JDP2: variants seen among roughly 807,000 people sequenced by gnomAD.
JDP2 encodes the protein progesterone receptor co-activator.
JDP2 carries 9 observed loss-of-function variants against 17.1 expected under a neutral mutation model. That is an observed-to-expected ratio of 0.53 (90% CI 0.32 to 0.92). The LOEUF is 0.92. Ranked by LOEUF, JDP2 falls within the 40% of genes least tolerant of loss-of-function variation. JDP2 has a pLI of 0.04. For missense variants in JDP2, 179 were observed against 220.0 expected (o/e 0.81, Z 1.18); for synonymous variants, 107 against 95.6 (o/e 1.12, Z -0.69).
intron 3 of JDP2, among the ~76,000 whole-genome samples, chr14:75,464,798 G>T (rs1272998948): frequency 2.0e-5 from 3 of 152,240 alleles, no homozygotes; most frequent in Non-Finnish European, 4.4e-5. Flanking sequence ...GGAGGGGTCA[G>T]GTCCACACCC....
chr14:75,440,955 G>A lies in JDP2; in HGVS notation c.201+2834G>A, dbSNP rs111974809. Among the ~76,000 whole-genome samples, 1,083 of 152,324 alleles carry A rather than the reference G, an allele frequency of 7.1e-3. 15 individuals carry two copies. The highest frequency in any genetic ancestry group is 0.025 in the African/African-American group (1,048 of 41,578). On this transcript the variant is annotated intron_variant, in intron 2 of 3. Transcript: ENST00000651602. ...TGAGCCCAAGCTTTAACCACATGCC[G>A]TGTGGCCTCCCATGCCTCTATACCC... is the stretch of plus-strand genomic sequence containing the variant.
intron 3 of JDP2, among the ~76,000 whole-genome samples, 181 bp downstream of exon 3, chr14:75,461,711 A>G (rs1310450083): frequency 6.6e-6 from 1 of 152,108 alleles, no homozygotes; most frequent in Non-Finnish European, 1.5e-5. Flanking sequence ...CTGAACCAAG[A>G]CAACCAAGGG....
chr14:75,467,816 G>A (rs1346589136), intron 3 of JDP2, among the ~76,000 whole-genome samples: 1 of 152,074 alleles, frequency 6.6e-6, no homozygotes, highest in East Asian at 1.9e-4. Context: ...GTCCCAGCCT[G>A]TGGAACCAAA....
chr14:75,444,014 C>T (rs972234846), intron 2 of JDP2, among the ~76,000 whole-genome samples: 2 of 152,010 alleles, frequency 1.3e-5, no homozygotes, highest in East Asian at 3.9e-4. Flanking sequence ...GAAATCCTCT[C>T]ACCTCAGCCT....
At chr14:75,429,191 G>A (rs1299935608) in intron 1 of JDP2, among the ~76,000 whole-genome samples, 2 of 152,136 alleles carry the variant, frequency 1.3e-5, no homozygotes, top group Non-Finnish European at 2.9e-5. Flanking sequence ...GGAGAGGCTG[G>A]TGGAAGGAGA....
chr14:75,445,111 A>G, intron 2 of JDP2: 1 of 985,400 alleles, frequency 1.0e-6, no homozygotes, highest in Non-Finnish European at 1.2e-6. Context: ...ACATGGACTC[A>G]GAGTTGGGAA....
At chr14:75,439,048 A>C (rs560853723) in intron 2 of JDP2, among the ~76,000 whole-genome samples, 2 of 152,194 alleles carry the variant, frequency 1.3e-5, no homozygotes, top group Non-Finnish European at 2.9e-5. Context: ...TGGGAATGGT[A>C]GCTCTGCTTG....
In JDP2 at chr14:75,430,701, T is replaced by C. The variant is rs1437442958; in HGVS notation, c.-24+2449T>C. ...GCCTGGCTCATTCTGTTGCTTGTCT[T>C]GGCAGTCGGTTCCGTGGCTTGTATT... On this transcript the variant is annotated intron_variant, in intron 1 of 3. Transcript: ENST00000651602. The surrounding 1 kb of genome is among the most constrained non-coding windows in gnomAD (Gnocchi z 4.5). 1.3e-5 allele frequency among the ~76,000 whole-genome samples: 2 copies of C among 152,172 alleles called. No homozygotes were observed. Among genetic ancestry groups the C allele is most frequent in the African/African-American group, 4.8e-5 (2 of 41,424 alleles).
intron 3 of JDP2, among the ~76,000 whole-genome samples, chr14:75,466,576 A>G (rs895490892): frequency 2.0e-5 from 3 of 152,184 alleles, no homozygotes; most frequent in African/African-American, 7.2e-5. Context: ...AAAGCAAGTT[A>G]CCCTACACTG....
chr14:75,448,909 C>A (rs1885728172), intron 2 of JDP2, among the ~76,000 whole-genome samples: 1 of 152,162 alleles, frequency 6.6e-6, no homozygotes, highest in South Asian at 2.1e-4. Flanking sequence ...GTGGCAAAGC[C>A]CTTCCATACC....
At chr14:75,452,273 A>C (rs1275229374) in intron 2 of JDP2, among the ~76,000 whole-genome samples, 1 of 152,200 alleles carries the variant, frequency 6.6e-6, no homozygotes, top group Non-Finnish European at 1.5e-5. Context: ...GTCTTTTCCC[A>C]GCTTGGCAGC....
At chr14:75,467,629 A>G (rs1348061992) in intron 3 of JDP2, among the ~76,000 whole-genome samples, 1 of 152,112 alleles carries the variant, frequency 6.6e-6, no homozygotes, top group East Asian at 1.9e-4. Context: ...GGTTTGTGAG[A>G]AGTTCCCAAG....
At chr14:75,439,565 T>C (rs1000421513) in intron 2 of JDP2, among the ~76,000 whole-genome samples, 1 of 152,250 alleles carries the variant, frequency 6.6e-6, no homozygotes, top group Middle Eastern at 3.2e-3. Flanking sequence ...TACTACCATC[T>C]GCCTTCATTT....
In JDP2 at chr14:75,428,067, G is replaced by C. The variant is rs1884603988; in HGVS notation, c.-209G>C. 1 of 148,820 alleles carries C rather than the reference G, an allele frequency of 6.7e-6. No homozygotes were observed. Among genetic ancestry groups the C allele is most frequent in the Non-Finnish European group, 1.5e-5 (1 of 66,764 alleles). 9.2% of individuals were successfully genotyped at this position (148,820 alleles called of 1,614,324 possible). A position where few individuals can be genotyped will look rare whatever the true frequency, so the allele number is the denominator to read the frequency against. ...GGAGGGACGCTCGGCGGCCGCGACG[G>C]GGGGCGCTGGCGGCGGCGGACGCTG... On this transcript the variant is annotated 5_prime_UTR_variant, in exon 1 of 4. Transcript: ENST00000651602. The surrounding 1 kb of genome is among the most constrained non-coding windows in gnomAD (Gnocchi z 5.6).
Position 75,438,064 on chromosome 14 carries a change from A to C in JDP2, c.144A>C (p.Ala48=), listed in dbSNP as rs765459725. 2.8e-5 allele frequency: 45 copies of C among 1,613,664 alleles called. No individual in the cohort carries two copies. In the East Asian group the frequency reaches 8.9e-4, roughly 32 times the overall value. ...TCCGCAACCTCGGGGCCATGATTGC[A>C]CCCTTGCACTTCCTGGAGGTGAAAC... The part of the protein sequence containing the change: ...ADIRNLGAMI[A]PLHFLEVKLG... The change falls in exon 2 of 4, where the codon GCA becomes GCC. Residue 48 remains alanine, a synonymous_variant. Coordinates refer to ENST00000651602, the MANE Select transcript of JDP2 (RefSeq NM_001135048.2).
At chr14:75,469,086 A>C (rs1886694499) in intron 3 of JDP2, among the ~76,000 whole-genome samples, 1 of 152,258 alleles carries the variant, frequency 6.6e-6, no homozygotes, top group South Asian at 2.1e-4. Context: ...TAACCTGGAC[A>C]TGACACAGGC....
chr14:75,460,669 C>G (rs1886313457), intron 2 of JDP2, among the ~76,000 whole-genome samples: 2 of 152,212 alleles, frequency 1.3e-5, no homozygotes, highest in African/African-American at 4.8e-5. Flanking sequence ...AGGCTCCTGG[C>G]CTCCTGAACT....
intron 2 of JDP2, among the ~76,000 whole-genome samples, chr14:75,451,572 G>A (rs578121040): frequency 3.9e-5 from 6 of 152,212 alleles, no homozygotes; most frequent in Non-Finnish European, 5.9e-5. Flanking sequence ...CAGGCCGTGC[G>A]TATCGAGTGA....
chr14:75,428,414 G>C lies in JDP2; in HGVS notation c.-24+162G>C, dbSNP rs1285928103. 1 of 151,608 alleles carries C rather than the reference G, an allele frequency of 6.6e-6. No individual in the cohort carries two copies. The highest frequency in any genetic ancestry group is 1.5e-5 in the Non-Finnish European group (1 of 67,802). 9.4% of individuals were successfully genotyped at this position (151,608 alleles called of 1,614,324 possible). A position where few individuals can be genotyped will look rare whatever the true frequency, so the allele number is the denominator to read the frequency against. On this transcript the variant is annotated intron_variant, in intron 1 of 3. Transcript: ENST00000651602. The surrounding 1 kb of genome is among the most constrained non-coding windows in gnomAD (Gnocchi z 5.6). ...AGCCCAGGGACCTCGAGCTTTCCCC[G>C]CGCCGGGCGCTGCAGCCGGGCCCCT...
Sources: allele counts gnomAD v4.1 joint callset (sites outside exome capture counted in the v4.1 genomes callset), GRCh38; gene constraint gnomAD v4.1.1; non-coding constraint Gnocchi (gnomAD v3.1); transcripts MANE v1.5; gene names NCBI Gene and HGNC (gene_info 2026-07-23, HGNC 2026-07-21).